The following KCTD8 variants were observed in gnomAD, a reference collection of about 807,000 sequenced individuals.
The protein encoded by KCTD8 is BTB/POZ domain-containing protein KCTD8.
In KCTD8, 27 loss-of-function variants were observed where a neutral mutation model predicts 31.5. That is an observed-to-expected ratio of 0.86 (90% CI 0.63 to 1.18). The LOEUF (loss-of-function observed/expected upper bound fraction) is 1.18, where lower values mean the gene tolerates loss of function less well. KCTD8 is among the 50% of genes most tolerant of loss of function. KCTD8 has a pLI of 0.00. For missense variants in KCTD8, 658 were observed against 647.7 expected (o/e 1.02, Z -0.17); for synonymous variants, 290 against 280.0 (o/e 1.04, Z -0.36).
rs560551324 is a variant in KCTD8 at position 44,179,295 on chromosome 4, G to T, written c.962-4045C>A. ...ATGGTCGGAAATAGAGTCTATTAAA[G>T]AATAGTATTTTATAATTATACAGTG... On this transcript the variant is annotated intron_variant, in intron 1 of 1. Coordinates refer to ENST00000360029, the MANE Select transcript of KCTD8 (RefSeq NM_198353.3). 9.9e-5 allele frequency among the ~76,000 whole-genome samples: 15 copies of T among 151,794 alleles called. No homozygotes were observed. The South Asian group carries it at 3.1e-3, about 32-fold the overall frequency.
At chr4:44,213,211 C>G (rs146761659) in intron 1 of KCTD8, among the ~76,000 whole-genome samples, 1 of 152,184 alleles carries the variant, frequency 6.6e-6, no homozygotes, top group African/African-American at 2.4e-5. Flanking sequence ...GCTGGGAATA[C>G]AGGCATGAGC....
At chr4:44,239,244 C>CA (rs1715379890) in intron 1 of KCTD8, among the ~76,000 whole-genome samples, 2 of 152,076 alleles carry the variant, frequency 1.3e-5, no homozygotes, top group Non-Finnish European at 2.9e-5. Flanking sequence ...TTGATGTTGT[C>CA]GTGGACTCTG....
At chr4:44,261,565 T>C (rs1007597299) in intron 1 of KCTD8, among the ~76,000 whole-genome samples, 24 of 151,990 alleles carry the variant, frequency 1.6e-4, no homozygotes, top group Non-Finnish European at 1.0e-4. Context: ...ATTGAAAGTT[T>C]GTAAATTTTG....
chr4:44,357,218 G>A (rs1283846982), intron 1 of KCTD8, among the ~76,000 whole-genome samples: 2 of 151,934 alleles, frequency 1.3e-5, no homozygotes, highest in Non-Finnish European at 2.9e-5. Context: ...AAACAAAAAG[G>A]ATAAATAACT....
chr4:44,336,375 TATG>T (rs1344394411), intron 1 of KCTD8, among the ~76,000 whole-genome samples: 43 of 151,716 alleles, frequency 2.8e-4, no homozygotes, highest in Admixed American at 2.8e-3. Flanking sequence ...TGAAAATTTA[TATG>T]ATAGGTTTCA....
intron 1 of KCTD8, among the ~76,000 whole-genome samples, chr4:44,333,010 A>G (rs1422066124): frequency 2.0e-5 from 3 of 152,050 alleles, no homozygotes; most frequent in Non-Finnish European, 4.4e-5. Context: ...ATTCATTTCA[A>G]TACACCTGCT....
intron 1 of KCTD8, among the ~76,000 whole-genome samples, chr4:44,183,313 T>C (rs947356296): frequency 2.7e-4 from 41 of 152,338 alleles, no homozygotes; most frequent in Admixed American, 2.5e-3. Context: ...ATCACACATG[T>C]AGATTTGAGA....
chr4:44,348,526 A>G (rs1480056771), intron 1 of KCTD8, among the ~76,000 whole-genome samples: 1 of 152,170 alleles, frequency 6.6e-6, no homozygotes, highest in Non-Finnish European at 1.5e-5. Context: ...TTGATCAATG[A>G]TATTCATTCT....
intron 1 of KCTD8, among the ~76,000 whole-genome samples, chr4:44,234,293 G>T (rs1715208305): frequency 6.6e-6 from 1 of 152,104 alleles, no homozygotes; most frequent in Admixed American, 6.6e-5. Flanking sequence ...TTGGTTATGG[G>T]CATCTATGAG....
Position 44,418,901 on chromosome 4 carries a change from T to G in KCTD8, c.961+28662A>C, listed in dbSNP as rs138753658. Among the ~76,000 whole-genome samples, 646 of 152,318 alleles carry G rather than the reference T, an allele frequency of 4.2e-3. 6 individuals are homozygous for G. Among genetic ancestry groups the G allele is most frequent in the Middle Eastern group, 0.014 (4 of 294 alleles). On this transcript the variant is annotated intron_variant, in intron 1 of 1. Transcript: ENST00000360029. ...ACTATAATTTTTTAATTTACGTATA[T>G]ATTACCAGTTTGTTCACATGACAAC...
At chr4:44,181,522 G>C (rs1033922295) in intron 1 of KCTD8, among the ~76,000 whole-genome samples, 2 of 152,214 alleles carry the variant, frequency 1.3e-5, no homozygotes, top group African/African-American at 4.8e-5. Flanking sequence ...CGCCGGGATT[G>C]CAGACGGAGT....
chr4:44,395,011 C>A (rs994917704), intron 1 of KCTD8, among the ~76,000 whole-genome samples: 20 of 151,994 alleles, frequency 1.3e-4, no homozygotes, highest in Admixed American at 1.2e-3. Flanking sequence ...GTGTTTACAG[C>A]AAGGAGAAAG....
intron 1 of KCTD8, among the ~76,000 whole-genome samples, chr4:44,350,111 A>AT (rs1004314923): frequency 6.6e-6 from 1 of 152,172 alleles, no homozygotes; most frequent in African/African-American, 2.4e-5. Context: ...TACTTAACAC[A>AT]TTTTGATTCC....
chr4:44,368,205 T>C (rs978958446), intron 1 of KCTD8, among the ~76,000 whole-genome samples: 2 of 152,040 alleles, frequency 1.3e-5, no homozygotes, highest in Admixed American at 1.3e-4. Flanking sequence ...GGTGAAACCC[T>C]GTCTCTACTA....
Position 44,230,319 on chromosome 4 carries a change from A to C in KCTD8, c.962-55069T>G, listed in dbSNP as rs1055221110. On this transcript the variant is annotated intron_variant, in intron 1 of 1. Coordinates refer to ENST00000360029, the MANE Select transcript of KCTD8 (RefSeq NM_198353.3). ...GAAGGCCATTTGTTCTGCCCACGACAACTTTACTATATAGCTAAAGAAACT... is the reference window on the plus strand; with the variant it reads ...GAAGGCCATTTGTTCTGCCCACGACCACTTTACTATATAGCTAAAGAAACT... Among the ~76,000 whole-genome samples the C allele has an allele frequency of 2.0e-5, 3 of 152,228 alleles. No homozygotes were observed. The South Asian group carries it at 6.2e-4, about 32-fold the overall frequency.
chr4:44,236,187 C>T (rs939484960), intron 1 of KCTD8, among the ~76,000 whole-genome samples: 1 of 152,188 alleles, frequency 6.6e-6, no homozygotes, highest in Non-Finnish European at 1.5e-5. Flanking sequence ...GGAAGAAATA[C>T]CCTCACCTCA....
At chr4:44,337,679 AT>A (rs201862702) in intron 1 of KCTD8, among the ~76,000 whole-genome samples, 38,943 of 139,914 alleles carry the variant, frequency 0.28, 5,501 homozygotes, top group Non-Finnish European at 0.32. Flanking sequence ...ATCTCAAAAA[AT>A]ATATATATAT....
At chr4:44,232,211 C>A (rs910245679) in intron 1 of KCTD8, among the ~76,000 whole-genome samples, 2 of 152,102 alleles carry the variant, frequency 1.3e-5, no homozygotes, top group African/African-American at 4.8e-5. Context: ...TCATATTGCT[C>A]AAACAGTCCT....
intron 1 of KCTD8, among the ~76,000 whole-genome samples, chr4:44,426,556 A>T (rs1481484718): frequency 6.6e-6 from 1 of 151,860 alleles, no homozygotes; most frequent in Non-Finnish European, 1.5e-5. Context: ...GATTAAAATG[A>T]TAAAACAATA....
Sources: allele counts gnomAD v4.1 joint callset (sites outside exome capture counted in the v4.1 genomes callset), GRCh38; gene constraint gnomAD v4.1.1; transcripts MANE v1.5; gene names NCBI Gene and HGNC (gene_info 2026-07-23, HGNC 2026-07-21).